PDK1: variants seen among roughly 807,000 people sequenced by gnomAD.
PDK1 encodes the protein [Pyruvate dehydrogenase (acetyl-transferring)] kinase isozyme 1, mitochondrial.
In PDK1, 39 loss-of-function variants were observed where a neutral mutation model predicts 54.2. That is an observed-to-expected ratio of 0.72 (90% CI 0.56 to 0.94). PDK1 has a LOEUF of 0.94. PDK1 is among the 40% of genes least tolerant of loss of function. The pLI is 0.00. For missense variants in PDK1, 552 were observed against 566.0 expected, an observed-to-expected ratio of 0.98 and a Z score of 0.25; for synonymous variants, 221 against 207.1, an observed-to-expected ratio of 1.07 and a Z score of -0.58.
At chr2:172,620,886 T>C in the PDK1 span, among the ~76,000 whole-genome samples, 1 of 152,166 alleles carries the variant, frequency 6.6e-6, no homozygotes, top group South Asian at 2.1e-4. Context: ...CAATTACATC[T>C]CTTTTATTTA....
chr2:172,617,911 T>C, the PDK1 span, among the ~76,000 whole-genome samples: 1 of 152,258 alleles, frequency 6.6e-6, no homozygotes, highest in African/African-American at 2.4e-5. Context: ...AAAACCTGTT[T>C]GCTGAAAACT....
At chr2:172,680,022 T>TC in the PDK1 span, among the ~76,000 whole-genome samples, 1 of 152,182 alleles carries the variant, frequency 6.6e-6, no homozygotes, top group Admixed American at 6.5e-5. Context: ...GAAACCATTT[T>TC]CCCCTCAATG....
At chr2:172,565,108 A>G (rs771972484) in intron 5 of PDK1, 35 bp downstream of exon 5, 1 of 1,225,698 alleles carries the variant, frequency 8.2e-7, no homozygotes, top group Non-Finnish European at 1.2e-6. Flanking sequence ...AAAAAAAGAT[A>G]CAAAAATCAA....
chr2:172,590,651 T>C (rs764714803), intron 9 of PDK1, among the ~76,000 whole-genome samples: 10 of 152,118 alleles, frequency 6.6e-5, no homozygotes, highest in Non-Finnish European at 1.3e-4. Flanking sequence ...GTAAGATTTA[T>C]TGTGAAGAGT....
At chr2:172,628,039 G>C in the PDK1 span, among the ~76,000 whole-genome samples, 1 of 152,190 alleles carries the variant, frequency 6.6e-6, no homozygotes. Flanking sequence ...TTGCAAATCA[G>C]AAAGTCTTTG....
chr2:172,591,403 A>T (rs1294179159), intron 9 of PDK1, among the ~76,000 whole-genome samples: 1 of 152,232 alleles, frequency 6.6e-6, no homozygotes, highest in African/African-American at 2.4e-5. Context: ...GAAGGTGCAG[A>T]GTCCTCCATT....
At chr2:172,702,901 T>A in the PDK1 span, among the ~76,000 whole-genome samples, 1 of 152,196 alleles carries the variant, frequency 6.6e-6, no homozygotes, top group Non-Finnish European at 1.5e-5. Context: ...TTATTCCATC[T>A]CATTGTAGAC....
At chr2:172,639,904 G>T in the PDK1 span, among the ~76,000 whole-genome samples, 1 of 152,202 alleles carries the variant, frequency 6.6e-6, no homozygotes, top group Non-Finnish European at 1.5e-5. Context: ...CTTTAGGGGA[G>T]ACATGTAAAG....
At chr2:172,691,572 C>T in the PDK1 span, among the ~76,000 whole-genome samples, 1 of 152,138 alleles carries the variant, frequency 6.6e-6, no homozygotes, top group Non-Finnish European at 1.5e-5. Context: ...CCTATTCATC[C>T]CTCCCTCTCT....
At chr2:172,642,595 G>A in the PDK1 span, among the ~76,000 whole-genome samples, 2 of 152,202 alleles carry the variant, frequency 1.3e-5, no homozygotes, top group Non-Finnish European at 1.5e-5. Flanking sequence ...TGAGTCTGAT[G>A]TGCTAGGAAG....
Position 172,586,357 on chromosome 2 carries a change from C to G in PDK1, c.1025C>G (p.Pro342Arg). The G allele has an allele frequency of 1.9e-6, 3 of 1,611,850 alleles. No homozygotes were observed. The highest frequency in any genetic ancestry group is 1.7e-6 in the Non-Finnish European group (2 of 1,178,284). The change falls in exon 9 of 11, where the codon CCT becomes CGT. Residue 342 changes from proline (P) to arginine (R), a missense_variant. Pro to Arg is a moderately radical substitution (Grantham distance 103). Transcript: ENST00000282077. ...FNYMYSTAPR[P>R]RVETSRAVPL... is the part of the protein sequence containing the mutation. Reference sequence around the variant, plus strand: ...TACATGTATTCAACTGCACCAAGACCTCGTGTTGAGACCTCCCGCGCAGTG... The same window carrying G: ...TACATGTATTCAACTGCACCAAGACGTCGTGTTGAGACCTCCCGCGCAGTG...
the PDK1 span, among the ~76,000 whole-genome samples, chr2:172,661,197 C>T: frequency 6.6e-6 from 1 of 152,140 alleles, no homozygotes; most frequent in Non-Finnish European, 1.5e-5. Flanking sequence ...TACCCTCTCC[C>T]AGTAGACCTC....
At chr2:172,712,769 G>C in the PDK1 span, among the ~76,000 whole-genome samples, 1 of 152,216 alleles carries the variant, frequency 6.6e-6, no homozygotes, top group African/African-American at 2.4e-5. Flanking sequence ...CCCACAATGT[G>C]GCAAGCAGGG....
At chr2:172,563,415 CA>C (rs1395272595) in intron 3 of PDK1, among the ~76,000 whole-genome samples, 3 of 152,288 alleles carry the variant, frequency 2.0e-5, no homozygotes, top group Admixed American at 6.5e-5. Flanking sequence ...ATGTTTTAAG[CA>C]GTGGAAACAT....
At chr2:172,567,402 AT>A (rs1689016234) in intron 6 of PDK1, among the ~76,000 whole-genome samples, 1 of 152,178 alleles carries the variant, frequency 6.6e-6, no homozygotes, top group Non-Finnish European at 1.5e-5. Context: ...TTTTACCCTG[AT>A]TAGTGCCTTT....
chr2:172,560,032 A>G (rs529384107), intron 2 of PDK1, among the ~76,000 whole-genome samples: 1 of 152,176 alleles, frequency 6.6e-6, no homozygotes, highest in South Asian at 2.1e-4. Flanking sequence ...TTTAGCAGAG[A>G]TGGGGTTTTT....
At chr2:172,563,595 A>G (rs1028118237) in intron 3 of PDK1, among the ~76,000 whole-genome samples, 2 of 152,196 alleles carry the variant, frequency 1.3e-5, no homozygotes, top group African/African-American at 4.8e-5. Flanking sequence ...GCACTTTGGG[A>G]GGCCGAGGCG....
chr2:172,673,057 C>A, the PDK1 span, among the ~76,000 whole-genome samples: 6 of 149,886 alleles, frequency 4.0e-5, no homozygotes, highest in South Asian at 1.1e-3. Context: ...TATTATCAAG[C>A]TTTAGCACAA....
the PDK1 span, among the ~76,000 whole-genome samples, chr2:172,715,666 C>T: frequency 3.1e-4 from 47 of 152,086 alleles, no homozygotes; most frequent in Non-Finnish European, 6.5e-4. Context: ...GCAAAGAACA[C>T]ATGATGGGAG....
Sources: allele counts gnomAD v4.1 joint callset (sites outside exome capture counted in the v4.1 genomes callset), GRCh38; gene constraint gnomAD v4.1.1; transcripts MANE v1.5; gene names NCBI Gene and HGNC (gene_info 2026-07-23, HGNC 2026-07-21).